The following TMEM165 variants were observed in gnomAD, a reference collection of about 807,000 sequenced individuals.
The protein encoded by TMEM165 is putative divalent cation/proton antiporter TMEM165.
Under a neutral mutation model 30.0 loss-of-function variants are expected in TMEM165, and 19 were observed. The observed-to-expected ratio is 0.63, with a 90% CI of 0.44 to 0.93. The LOEUF is 0.93. Among genes scored for constraint, TMEM165 ranks in the 40% least tolerant of loss-of-function variants. The pLI is 0.00. For missense variants in TMEM165, 340 were observed against 417.0 expected (o/e 0.82, Z 1.61); for synonymous variants, 168 against 162.9 (o/e 1.03, Z -0.24).
At chr4:55,403,651 A>G (rs1721141360) in intron 1 of TMEM165, among the ~76,000 whole-genome samples, 2 of 152,158 alleles carry the variant, frequency 1.3e-5, no homozygotes, top group Admixed American at 1.3e-4. Context: ...AAAATACTGA[A>G]ATAGTGGTAT....
intron 3 of TMEM165, chr4:55,449,968 A>T: frequency 8.2e-7 from 1 of 1,217,502 alleles, no homozygotes; most frequent in Non-Finnish European, 1.2e-6. Context: ...AAAGGTTACT[A>T]CATTTCAGAA....
At chr4:55,397,897 C>G (rs560614945) in intron 1 of TMEM165, among the ~76,000 whole-genome samples, 5 of 130,732 alleles carry the variant, frequency 3.8e-5, no homozygotes, top group African/African-American at 1.3e-4. Context: ...ACACGCCCGG[C>G]TAATTTTTGT....
At chr4:55,425,290 G>T in intron 5 of TMEM165, 86 bp from the exon 6 acceptor site, 1 of 1,051,144 alleles carries the variant, frequency 9.5e-7, no homozygotes, top group Non-Finnish European at 1.4e-6. Context: ...AGAATAATTG[G>T]CCGCCTCATC....
downstream of TMEM165, chr4:55,431,062 A>C (rs1018321476): frequency 6.6e-6 from 1 of 152,224 alleles, no homozygotes; most frequent in African/African-American, 2.4e-5. Flanking sequence ...AGAAATGGTT[A>C]ACGCCTAAGA....
downstream of TMEM165, chr4:55,430,384 T>C (rs1037820542): frequency 6.6e-6 from 1 of 152,166 alleles, no homozygotes; most frequent in African/African-American, 2.4e-5. Flanking sequence ...TGTAGTGTTA[T>C]GACATAGGGG....
intron 1 of TMEM165, among the ~76,000 whole-genome samples, chr4:55,406,108 G>A (rs1721256391): frequency 6.6e-6 from 1 of 152,194 alleles, no homozygotes; most frequent in Admixed American, 6.5e-5. Flanking sequence ...CTTAGAACCA[G>A]CTTCCATATT....
chr4:55,405,388 AACCTTGAGGCTACAT>A (rs1045681516), intron 1 of TMEM165, among the ~76,000 whole-genome samples: 1 of 152,190 alleles, frequency 6.6e-6, no homozygotes, highest in African/African-American at 2.4e-5. Context: ...GAAGGCTGTC[AACCTTGAGGCTACAT>A]ACCTTGAGGC....
At chr4:55,450,717 C>T (rs529240548) in intron 3 of TMEM165, among the ~76,000 whole-genome samples, 73 of 151,822 alleles carry the variant, frequency 4.8e-4, no homozygotes, top group African/African-American at 9.9e-4. Context: ...TGTAGTGAGC[C>T]GAGATCCTGC....
At chr4:55,415,697 G>C (rs981517899) in intron 2 of TMEM165, 2 of 152,084 alleles carry the variant, frequency 1.3e-5, no homozygotes, top group African/African-American at 4.8e-5. Context: ...CACAAACATA[G>C]GTTTGCTGCA....
chr4:55,400,445 AAT>A (rs927238140), intron 1 of TMEM165, among the ~76,000 whole-genome samples: 2 of 135,728 alleles, frequency 1.5e-5, no homozygotes, highest in East Asian at 2.0e-4. Flanking sequence ...TAATATATAT[AAT>A]ATATATATAT....
intron 3 of TMEM165, among the ~76,000 whole-genome samples, chr4:55,446,049 C>T (rs950601484): frequency 2.6e-5 from 4 of 151,046 alleles, no homozygotes; most frequent in African/African-American, 7.3e-5. Flanking sequence ...CCTGGATTTA[C>T]AAGACCTGAG....
At chr4:55,448,599 CGCGTGTGTGTGTGTGTGTGTGTGT>C (rs1311131642) in intron 3 of TMEM165, among the ~76,000 whole-genome samples, 11 of 105,666 alleles carry the variant, frequency 1.0e-4, no homozygotes, top group African/African-American at 3.8e-4. Flanking sequence ...CGCGCACGCG[CGCGTGTGTGTGTGTGTGTGTGTGT>C]GTGTGTGTGT....
downstream of TMEM165, chr4:55,429,505 T>C (rs1023673338): frequency 1.3e-5 from 2 of 152,152 alleles, no homozygotes; most frequent in African/African-American, 4.8e-5. Flanking sequence ...ACCAAGTAAC[T>C]TGACACCATA....
chr4:55,409,323 G>T (rs898486353), intron 1 of TMEM165, among the ~76,000 whole-genome samples: 3 of 152,096 alleles, frequency 2.0e-5, no homozygotes, highest in Admixed American at 1.3e-4. Flanking sequence ...AAGAATTTAT[G>T]ATTTTATTCT....
At chr4:55,427,184 C>T (rs1722247906), downstream of TMEM165, among the ~76,000 whole-genome samples, 1 of 151,840 alleles carries the variant, frequency 6.6e-6, no homozygotes, top group South Asian at 2.1e-4. Context: ...CAGGCGTGCA[C>T]TACCACGCCT....
At chr4:55,427,638 CCCAA>C (rs1398769159), downstream of TMEM165, among the ~76,000 whole-genome samples, 1 of 152,150 alleles carries the variant, frequency 6.6e-6, no homozygotes, top group Non-Finnish European at 1.5e-5. Context: ...AGCCACCGCA[CCCAA>C]CCGTTTTTTC....
At chr4:55,448,591 CGCACGCGCGCGT>C (rs1257034759) in intron 3 of TMEM165, among the ~76,000 whole-genome samples, 3 of 81,048 alleles carry the variant, frequency 3.7e-5, no homozygotes, top group African/African-American at 8.1e-5. Flanking sequence ...TGTGCGCGCG[CGCACGCGCGCGT>C]GTGTGTGTGT....
chr4:55,410,030 A>C (rs1721422609), intron 1 of TMEM165, among the ~76,000 whole-genome samples: 1 of 152,222 alleles, frequency 6.6e-6, no homozygotes, highest in South Asian at 2.1e-4. Context: ...ATGTATTTGC[A>C]GGCTACCAAT....
downstream of TMEM165, chr4:55,428,057 G>C (rs1197809276): frequency 4.6e-5 from 7 of 152,150 alleles, no homozygotes; most frequent in Non-Finnish European, 8.8e-5. Context: ...TTTTAAAATT[G>C]AAGGAAACAA....
Sources: gnomAD v4.1 joint callset for allele counts (sites outside exome capture counted in the v4.1 genomes callset) on GRCh38, gnomAD v4.1.1 for gene constraint, MANE v1.5 for transcripts, NCBI Gene and HGNC (gene_info 2026-07-23, HGNC 2026-07-21) for gene names.